CSMD1: variants seen among roughly 807,000 people sequenced by gnomAD.
CSMD1 encodes CUB and Sushi multiple domains 1.
CSMD1 carries 213 observed loss-of-function variants against 417.5 expected under a neutral mutation model. That is an observed-to-expected ratio of 0.51 (90% CI 0.46 to 0.57). The LOEUF (loss-of-function observed/expected upper bound fraction) is 0.57. Among genes scored for constraint, CSMD1 ranks in the 20% least tolerant of loss-of-function variants. The probability of loss-of-function intolerance (pLI) is 0.00; values close to 1 mark genes in which losing one functional copy is unlikely to be tolerated. For synonymous variants in CSMD1, 2,862 were observed against 1,736.8 expected (o/e 1.65, Z -16.11); for missense variants, 6,923 against 4,529.7 (o/e 1.53, Z -15.17).
At chr8:4,731,018 G>A (rs981729515) in intron 1 of CSMD1, among the ~76,000 whole-genome samples, 1 of 152,080 alleles carries the variant, frequency 6.6e-6, no homozygotes, top group East Asian at 1.9e-4. Flanking sequence ...AAAGTTCTAG[G>A]CCCAAGACGC....
At chr8:4,835,847 C>G (rs1325064553) in intron 1 of CSMD1, among the ~76,000 whole-genome samples, 3 of 151,754 alleles carry the variant, frequency 2.0e-5, no homozygotes, top group Non-Finnish European at 2.9e-5. Flanking sequence ...ATCAAGCCAA[C>G]TACTATGGTC....
chr8:4,392,515 G>A lies in CSMD1; in HGVS notation c.415+27438C>T, dbSNP rs181391810. Among the ~76,000 whole-genome samples, 6 of 152,252 alleles carry A rather than the reference G, an allele frequency of 3.9e-5. No homozygotes were observed. The East Asian group carries it at 1.2e-3, about 29-fold the overall frequency. Reference sequence around the variant, plus strand: ...AAGAAAAGGTAAAGAATCACGGTTTGTGTGTGGAGATGGGAGTGTCATTGG... The same window carrying A: ...AAGAAAAGGTAAAGAATCACGGTTTATGTGTGGAGATGGGAGTGTCATTGG... On this transcript the variant is annotated intron_variant, in intron 3 of 69. Coordinates refer to ENST00000635120, the MANE Select transcript of CSMD1 (RefSeq NM_033225.6).
At chr8:3,933,593 G>C (rs1259901151) in intron 5 of CSMD1, among the ~76,000 whole-genome samples, 2 of 152,110 alleles carry the variant, frequency 1.3e-5, no homozygotes, top group Non-Finnish European at 2.9e-5. Context: ...GGAGTGTGTA[G>C]AACTGTTAAG....
chr8:4,917,181 G>C (rs1413677343), intron 1 of CSMD1, among the ~76,000 whole-genome samples: 1 of 152,192 alleles, frequency 6.6e-6, no homozygotes, highest in African/African-American at 2.4e-5. Flanking sequence ...GGAAGACAGA[G>C]AGAAGTGGGA....
intron 36 of CSMD1, among the ~76,000 whole-genome samples, chr8:3,187,436 G>A (rs753039259): frequency 2.6e-5 from 4 of 152,080 alleles, no homozygotes; most frequent in Admixed American, 6.6e-5. Flanking sequence ...CTACAATTTC[G>A]TGCCTGGCTA....
At chr8:3,128,178 A>G in intron 41 of CSMD1, 1 of 152,184 alleles carries the variant, frequency 6.6e-6, no homozygotes. Context: ...TTTAGATCTG[A>G]AAAAAATAAC....
chr8:4,190,561 A>G (rs1451793004), intron 3 of CSMD1, among the ~76,000 whole-genome samples: 1 of 150,376 alleles, frequency 6.6e-6, no homozygotes, highest in East Asian at 2.0e-4. Flanking sequence ...TTTTTAACTG[A>G]AAGAGACTCT....
intron 12 of CSMD1, among the ~76,000 whole-genome samples, chr8:3,440,685 C>A (rs1814917694): frequency 6.6e-6 from 1 of 152,182 alleles, no homozygotes; most frequent in South Asian, 2.1e-4. Context: ...CAGCACTATA[C>A]TGAATGGGAA....
At chr8:4,051,850 T>TC (rs1554428965) in intron 3 of CSMD1, among the ~76,000 whole-genome samples, 9 of 77,322 alleles carry the variant, frequency 1.2e-4, no homozygotes, top group Admixed American at 7.3e-4. Flanking sequence ...CTTTCTTTTC[T>TC]TTTCTCTTTC....
chr8:4,214,563 G>A (rs1394277150), intron 3 of CSMD1, among the ~76,000 whole-genome samples: 1 of 152,164 alleles, frequency 6.6e-6, no homozygotes, highest in Non-Finnish European at 1.5e-5. Flanking sequence ...CTCCCAAAGT[G>A]CTGGAATTAC....
At chr8:4,730,323 G>T (rs1202730227) in intron 1 of CSMD1, among the ~76,000 whole-genome samples, 3 of 152,150 alleles carry the variant, frequency 2.0e-5, no homozygotes, top group Non-Finnish European at 2.9e-5. Flanking sequence ...TCAGTTCAAA[G>T]AAATGTTGCA....
At chr8:3,752,485 T>A (rs976396785) in intron 6 of CSMD1, among the ~76,000 whole-genome samples, 1 of 151,704 alleles carries the variant, frequency 6.6e-6, no homozygotes, top group Non-Finnish European at 1.5e-5. Flanking sequence ...CGAAACCCCA[T>A]CTCTACTAAA....
chr8:3,793,774 C>T (rs75187780), intron 5 of CSMD1, among the ~76,000 whole-genome samples: 2,377 of 152,214 alleles, frequency 0.016, 63 homozygotes, highest in African/African-American at 0.053. Flanking sequence ...AACTTGACGA[C>T]AGAGACCTTG....
chr8:3,379,483 C>T (rs943219924), intron 18 of CSMD1, among the ~76,000 whole-genome samples: 3 of 152,152 alleles, frequency 2.0e-5, no homozygotes, highest in African/African-American at 7.2e-5. Flanking sequence ...CATCGTGCTA[C>T]CTGACTTCGA....
chr8:4,301,191 T>C (rs150625135), intron 3 of CSMD1, among the ~76,000 whole-genome samples: 1 of 152,136 alleles, frequency 6.6e-6, no homozygotes, highest in South Asian at 2.1e-4. Context: ...CTCTCCTGGG[T>C]AGTGGTCTGC....
intron 3 of CSMD1, among the ~76,000 whole-genome samples, chr8:4,256,028 G>T (rs562288527): frequency 2.4e-4 from 36 of 152,286 alleles, no homozygotes; most frequent in Admixed American, 7.8e-4. Context: ...AGCATGGAAA[G>T]AACACCACTT....
At chr8:3,878,450 G>C (rs957499802) in intron 5 of CSMD1, among the ~76,000 whole-genome samples, 10 of 152,052 alleles carry the variant, frequency 6.6e-5, no homozygotes, top group African/African-American at 2.4e-4. Context: ...TGCCTTTCCA[G>C]TGTAAACATG....
chr8:4,012,768 T>C (rs1796334889), intron 4 of CSMD1, among the ~76,000 whole-genome samples: 1 of 152,156 alleles, frequency 6.6e-6, no homozygotes, highest in Non-Finnish European at 1.5e-5. Flanking sequence ...CTTTCCATTT[T>C]CAAATCTGCA....
intron 1 of CSMD1, among the ~76,000 whole-genome samples, chr8:4,827,997 T>A (rs539666516): frequency 6.6e-6 from 1 of 152,326 alleles, no homozygotes; most frequent in East Asian, 1.9e-4. Context: ...ATAAACTTTA[T>A]AATGCAAAAT....
Sources: gnomAD v4.1 joint callset for allele counts (sites outside exome capture counted in the v4.1 genomes callset) on GRCh38, gnomAD v4.1.1 for gene constraint, MANE v1.5 for transcripts, NCBI Gene and HGNC (gene_info 2026-07-23, HGNC 2026-07-21) for gene names.